Variants in NRG1 observed in about 807,000 individuals in gnomAD.
NRG1 encodes the protein neuregulin 1.
Under a neutral mutation model 63.8 loss-of-function variants are expected in NRG1, and 18 were observed. That is an observed-to-expected ratio of 0.28 (90% CI 0.19 to 0.42). NRG1 has a LOEUF of 0.42. Ranked by LOEUF, NRG1 falls within the 10% of genes least tolerant of loss-of-function variation. The probability of loss-of-function intolerance (pLI) is 1.00; values close to 1 mark genes in which losing one functional copy is unlikely to be tolerated. For synonymous variants in NRG1, 302 were observed against 301.3 expected (o/e 1.00, Z -0.02); for missense variants, 762 against 814.7 (o/e 0.94, Z 0.79).
chr8:32,172,750 A>G (rs1840216867), intron 1 of NRG1, among the ~76,000 whole-genome samples: 1 of 152,204 alleles, frequency 6.6e-6, no homozygotes, highest in Non-Finnish European at 1.5e-5. Flanking sequence ...GTGATGGAAG[A>G]TGAAATGAAT....
chr8:31,891,644 T>C (rs1239533794), intron 1 of NRG1, among the ~76,000 whole-genome samples: 2 of 152,108 alleles, frequency 1.3e-5, no homozygotes, highest in Non-Finnish European at 2.9e-5. Context: ...GCTTTTCTCA[T>C]AGAGAAGTGA....
intron 1 of NRG1, among the ~76,000 whole-genome samples, chr8:32,514,287 G>A (rs564678894): frequency 0.015 from 2,203 of 151,364 alleles, 30 homozygotes; most frequent in Middle Eastern, 0.028. Context: ...TATTGTGTGT[G>A]TATATATATA....
intron 7 of NRG1, chr8:32,749,446 C>G: frequency 2.9e-6 from 3 of 1,042,996 alleles, no homozygotes; most frequent in Non-Finnish European, 4.5e-6. Flanking sequence ...GTTCAATGTG[C>G]ATGCACAGAG....
At chr8:31,723,881 T>C (rs1048615492) in intron 1 of NRG1, among the ~76,000 whole-genome samples, 1 of 152,130 alleles carries the variant, frequency 6.6e-6, no homozygotes, top group African/African-American at 2.4e-5. Flanking sequence ...CTAGAGGTCA[T>C]GTAGTCTCTT....
chr8:31,837,162 A>G (rs955259409), intron 1 of NRG1, among the ~76,000 whole-genome samples: 1 of 152,062 alleles, frequency 6.6e-6, no homozygotes, highest in Non-Finnish European at 1.5e-5. Flanking sequence ...TATGACATAT[A>G]TGGTAAACAA....
intron 3 of NRG1, among the ~76,000 whole-genome samples, chr8:32,607,519 C>G (rs866863801): frequency 6.6e-6 from 1 of 152,140 alleles, no homozygotes; most frequent in Non-Finnish European, 1.5e-5. Context: ...TTCTGATTTA[C>G]AGGATTAAGC....
intron 1 of NRG1, among the ~76,000 whole-genome samples, chr8:31,975,421 G>T (rs1329607113): frequency 6.6e-6 from 1 of 152,118 alleles, no homozygotes; most frequent in Non-Finnish European, 1.5e-5. Flanking sequence ...TTAAAGGAGA[G>T]CCAGATTTTC....
intron 1 of NRG1, among the ~76,000 whole-genome samples, chr8:31,807,342 T>A (rs182290676): frequency 3.9e-5 from 6 of 152,328 alleles, no homozygotes; most frequent in African/African-American, 1.4e-4. Context: ...TTTTTGTTTT[T>A]AAGTCACATT....
chr8:31,655,574 C>T (rs1450963999), intron 1 of NRG1, among the ~76,000 whole-genome samples: 11 of 152,138 alleles, frequency 7.2e-5, no homozygotes, highest in Non-Finnish European at 1.2e-4. Context: ...AACAATCAGA[C>T]GATTCTAGAC....
intron 1 of NRG1, among the ~76,000 whole-genome samples, chr8:31,934,073 T>C (rs1299940154): frequency 1.3e-5 from 2 of 152,184 alleles, no homozygotes; most frequent in Admixed American, 6.5e-5. Context: ...TACGTACTTT[T>C]ATAAATCATG....
At chr8:31,828,300 C>T (rs1469385919) in intron 1 of NRG1, among the ~76,000 whole-genome samples, 3 of 152,202 alleles carry the variant, frequency 2.0e-5, no homozygotes, top group Non-Finnish European at 4.4e-5. Context: ...TGGGAAATAA[C>T]TTGCTTTTTA....
intron 5 of NRG1, among the ~76,000 whole-genome samples, chr8:32,695,019 A>G (rs1332005383): frequency 6.6e-6 from 1 of 152,118 alleles, no homozygotes; most frequent in Admixed American, 6.6e-5. Context: ...ACACTGATCA[A>G]TCTTGAGATA....
chr8:31,870,682 G>T (rs1020901867), intron 1 of NRG1, among the ~76,000 whole-genome samples: 1 of 152,006 alleles, frequency 6.6e-6, no homozygotes, highest in East Asian at 1.9e-4. Flanking sequence ...TTCCTAAAGG[G>T]CATTTCTCAG....
At chr8:32,064,905 G>C (rs1005684963) in intron 1 of NRG1, among the ~76,000 whole-genome samples, 4 of 152,024 alleles carry the variant, frequency 2.6e-5, no homozygotes. Flanking sequence ...TAATTTATTG[G>C]AGAAACTCAA....
intron 1 of NRG1, among the ~76,000 whole-genome samples, chr8:32,255,186 T>C (rs775907875): frequency 3.9e-4 from 59 of 152,344 alleles, no homozygotes; most frequent in South Asian, 2.5e-3. Flanking sequence ...ATTTAGCCCA[T>C]TTACATTTAA....
intron 1 of NRG1, among the ~76,000 whole-genome samples, chr8:31,992,366 C>T (rs984798828): frequency 6.6e-6 from 1 of 151,980 alleles, no homozygotes; most frequent in African/African-American, 2.4e-5. Context: ...GATGCCTGCA[C>T]TGCTGTGATG....
intron 5 of NRG1, among the ~76,000 whole-genome samples, chr8:32,643,172 A>G (rs188386059): frequency 2.0e-5 from 3 of 152,216 alleles, no homozygotes; most frequent in African/African-American, 7.2e-5. Context: ...CCAGGTTGGC[A>G]TACTAGCATT....
At chr8:32,724,575 G>T (rs918930158) in intron 5 of NRG1, among the ~76,000 whole-genome samples, 9 of 152,178 alleles carry the variant, frequency 5.9e-5, no homozygotes, top group South Asian at 4.2e-4. Flanking sequence ...AGACTGTCAG[G>T]GCCCTGTGTT....
At chr8:32,378,290 C>G (rs758882518) in intron 1 of NRG1, among the ~76,000 whole-genome samples, 3 of 152,162 alleles carry the variant, frequency 2.0e-5, no homozygotes, top group Non-Finnish European at 2.9e-5. Context: ...GAGCACCAAA[C>G]TGTGCATTGT....
Sources: allele counts gnomAD v4.1 joint callset (sites outside exome capture counted in the v4.1 genomes callset), GRCh38; gene constraint gnomAD v4.1.1; transcripts MANE v1.5; gene names NCBI Gene and HGNC (gene_info 2026-07-23, HGNC 2026-07-21).